Variants in MRAP2 observed in about 807,000 individuals in gnomAD.
MRAP2 encodes the protein melanocortin 2 receptor accessory protein 2, also known as melanocortin-2 receptor accessory protein 2.
MRAP2 carries 20 observed loss-of-function variants against 17.4 expected under a neutral mutation model. The ratio of observed to expected loss-of-function variants is 1.15; its 90% CI spans 0.81 to 1.67. The LOEUF (loss-of-function observed/expected upper bound fraction) is 1.67. MRAP2 is among the 40% of genes most tolerant of loss of function. The pLI is 0.00. For synonymous variants in MRAP2, 96 were observed against 88.4 expected (o/e 1.09, Z -0.48); for missense variants, 238 against 240.0 (o/e 0.99, Z 0.05).
the MRAP2 span, among the ~76,000 whole-genome samples, chr6:84,130,000 T>G: frequency 2.0e-5 from 3 of 152,194 alleles, no homozygotes; most frequent in Non-Finnish European, 4.4e-5. Context: ...GGCTGTGGGT[T>G]TGTCATAAAT....
chr6:84,053,514 C>T (rs1156514076), intron 1 of MRAP2, among the ~76,000 whole-genome samples: 1 of 152,184 alleles, frequency 6.6e-6, no homozygotes, highest in Non-Finnish European at 1.5e-5. Flanking sequence ...AATCCCAACA[C>T]TCTGGAGGCT....
chr6:84,053,500 T>G (rs2099490963), intron 1 of MRAP2, among the ~76,000 whole-genome samples: 1 of 152,188 alleles, frequency 6.6e-6, no homozygotes, highest in Non-Finnish European at 1.5e-5. Context: ...TGGCTCACAG[T>G]TGTAATCCCA....
At chr6:84,034,176 G>A (rs1276484371) in intron 1 of MRAP2, among the ~76,000 whole-genome samples, 1 of 151,934 alleles carries the variant, frequency 6.6e-6, no homozygotes, top group Non-Finnish European at 1.5e-5. Context: ...TCGGGGCTTG[G>A]GTGGGCTTCC....
chr6:84,064,738 T>C (rs138770619), intron 3 of MRAP2, among the ~76,000 whole-genome samples: 2,595 of 152,204 alleles, frequency 0.017, 39 homozygotes, highest in Admixed American at 0.059. Flanking sequence ...CCGCCCGCCT[T>C]GGCCTCCCAA....
At chr6:84,141,535 C>T in the MRAP2 span, among the ~76,000 whole-genome samples, 2 of 152,248 alleles carry the variant, frequency 1.3e-5, no homozygotes, top group South Asian at 2.1e-4. Flanking sequence ...CCTCAAAATC[C>T]AGTCTCAACC....
At chr6:84,122,872 TCAGTA>T in the MRAP2 span, among the ~76,000 whole-genome samples, 1 of 152,052 alleles carries the variant, frequency 6.6e-6, no homozygotes, top group Non-Finnish European at 1.5e-5. Flanking sequence ...ACAAGTGAGT[TCAGTA>T]AAGTTTCAGG....
At chr6:84,108,327 C>T in the MRAP2 span, among the ~76,000 whole-genome samples, 2 of 152,224 alleles carry the variant, frequency 1.3e-5, no homozygotes, top group African/African-American at 4.8e-5. Context: ...TCTCCACAAC[C>T]TTGCCAGCAT....
chr6:84,085,567 C>G (rs2099500224), intron 3 of MRAP2, among the ~76,000 whole-genome samples: 1 of 152,142 alleles, frequency 6.6e-6, no homozygotes, highest in African/African-American at 2.4e-5. Context: ...TATTTTTGCT[C>G]TTGAAAGATT....
At chr6:84,105,900 A>G in the MRAP2 span, among the ~76,000 whole-genome samples, 1 of 152,274 alleles carries the variant, frequency 6.6e-6, no homozygotes, top group South Asian at 2.1e-4. Context: ...AGGAACAGAA[A>G]GTAAAAATTT....
chr6:84,110,142 C>G, the MRAP2 span, among the ~76,000 whole-genome samples: 1 of 151,456 alleles, frequency 6.6e-6, no homozygotes, highest in Non-Finnish European at 1.5e-5. Flanking sequence ...GGGTCTGGTT[C>G]TAGATCCTTG....
chr6:84,058,652 T>A (rs1210058138), intron 2 of MRAP2, among the ~76,000 whole-genome samples: 8 of 151,978 alleles, frequency 5.3e-5, no homozygotes, highest in Non-Finnish European at 1.5e-5. Flanking sequence ...GACAGAAAAC[T>A]GAAGAGTCCA....
At chr6:84,136,277 CACAG>C in the MRAP2 span, among the ~76,000 whole-genome samples, 2 of 152,110 alleles carry the variant, frequency 1.3e-5, no homozygotes, top group Non-Finnish European at 2.9e-5. Flanking sequence ...AACCAAATAC[CACAG>C]ACATTTATTT....
chr6:84,077,516 A>G (rs986417743), intron 3 of MRAP2, among the ~76,000 whole-genome samples: 5 of 152,176 alleles, frequency 3.3e-5, no homozygotes, highest in African/African-American at 1.2e-4. Flanking sequence ...TTTCTACCTG[A>G]AATCTTCCAA....
intron 3 of MRAP2, among the ~76,000 whole-genome samples, chr6:84,086,223 A>G (rs2099500405): frequency 6.6e-6 from 1 of 152,240 alleles, no homozygotes; most frequent in Non-Finnish European, 1.5e-5. Context: ...AGTTTTTTAA[A>G]GGAAAAGTAA....
the MRAP2 span, among the ~76,000 whole-genome samples, chr6:84,107,106 T>C: frequency 2.6e-5 from 4 of 152,048 alleles, no homozygotes; most frequent in African/African-American, 9.7e-5. Context: ...ATCTGCTGGA[T>C]CATATAGCCC....
chr6:84,049,996 G>GTGTT (rs2099490022), intron 1 of MRAP2, among the ~76,000 whole-genome samples: 1 of 152,174 alleles, frequency 6.6e-6, no homozygotes, highest in African/African-American at 2.4e-5. Flanking sequence ...GTGTGTGTGT[G>GTGTT]TACGTGCGTG....
chr6:84,115,168 A>C, the MRAP2 span, among the ~76,000 whole-genome samples: 1 of 152,146 alleles, frequency 6.6e-6, no homozygotes, highest in East Asian at 1.9e-4. Context: ...CTGAAGCTGC[A>C]CTCATAACTG....
chr6:84,093,010 G>GA (rs1317257873), downstream of MRAP2, among the ~76,000 whole-genome samples: 2 of 152,204 alleles, frequency 1.3e-5, no homozygotes, highest in African/African-American at 4.8e-5. Context: ...CTCTGGGCCT[G>GA]AAGCTCCACT....
chr6:84,095,581 C>T (rs116009506), downstream of MRAP2, among the ~76,000 whole-genome samples: 1 of 152,240 alleles, frequency 6.6e-6, no homozygotes, highest in African/African-American at 2.4e-5. Context: ...GATTTTTTCC[C>T]TTCTGAAAGC....
Sources: gnomAD v4.1 joint callset for allele counts (sites outside exome capture counted in the v4.1 genomes callset) on GRCh38, gnomAD v4.1.1 for gene constraint, MANE v1.5 for transcripts, NCBI Gene and HGNC (gene_info 2026-07-23, HGNC 2026-07-21) for gene names.